FARS2: variants seen among roughly 807,000 people sequenced by gnomAD.
The protein encoded by FARS2 is phenylalanyl-tRNA synthetase 2, mitochondrial.
A neutral mutation model predicts 46.4 loss-of-function variants in FARS2; 40 were observed. The observed-to-expected ratio is 0.86, with a 90% confidence interval of 0.67 to 1.12. The LOEUF is 1.12. Ranked by LOEUF, FARS2 falls within the 50% of genes most tolerant of loss-of-function variation. The probability of loss-of-function intolerance (pLI) is 0.00; values close to 1 mark genes in which losing one functional copy is unlikely to be tolerated. For synonymous variants in FARS2, 234 were observed against 214.9 expected, an observed-to-expected ratio of 1.09 and a Z score of -0.78; for missense variants, 513 against 567.9, an observed-to-expected ratio of 0.90 and a Z score of 0.98.
chr6:5,723,971 C>G (rs1278284401), intron 6 of FARS2, among the ~76,000 whole-genome samples: 1 of 152,180 alleles, frequency 6.6e-6, no homozygotes, highest in African/African-American at 2.4e-5. Flanking sequence ...AGAGCGGTGG[C>G]CACGCTGGGC....
chr6:5,394,797 C>T (rs1265117677), intron 2 of FARS2, among the ~76,000 whole-genome samples: 1 of 151,616 alleles, frequency 6.6e-6, no homozygotes, highest in African/African-American at 2.4e-5. Flanking sequence ...CATTTGGTGT[C>T]CTTAAATAAC....
intron 6 of FARS2, among the ~76,000 whole-genome samples, chr6:5,653,127 A>T (rs916830049): frequency 6.6e-6 from 1 of 152,244 alleles, no homozygotes; most frequent in African/African-American, 2.4e-5. Flanking sequence ...AAATATATGC[A>T]TATATATCTA....
chr6:5,298,817 C>T (rs994461966), intron 1 of FARS2, among the ~76,000 whole-genome samples: 5 of 145,468 alleles, frequency 3.4e-5, no homozygotes, highest in African/African-American at 1.0e-4. Flanking sequence ...GAGCCGAGAT[C>T]GTGCCACCGC....
intron 4 of FARS2, among the ~76,000 whole-genome samples, chr6:5,528,840 C>T (rs533544161): frequency 9.9e-5 from 15 of 152,080 alleles, no homozygotes; most frequent in Non-Finnish European, 1.8e-4. Context: ...CTGACTGATA[C>T]GTGGTGACTG....
chr6:5,709,991 A>G (rs77616522), intron 6 of FARS2, among the ~76,000 whole-genome samples: 1,752 of 152,198 alleles, frequency 0.012, 35 homozygotes, highest in African/African-American at 0.04. Flanking sequence ...TGCCACGCAT[A>G]TCATTTCTAT....
intron 5 of FARS2, among the ~76,000 whole-genome samples, chr6:5,606,999 G>A (rs1231831634): frequency 1.3e-5 from 2 of 152,102 alleles, no homozygotes; most frequent in African/African-American, 4.8e-5. Context: ...GCTATTTGGT[G>A]TACAAGCCAC....
At chr6:5,433,433 T>C (rs180974841) in intron 4 of FARS2, among the ~76,000 whole-genome samples, 1 of 152,336 alleles carries the variant, frequency 6.6e-6, no homozygotes, top group Admixed American at 6.5e-5. Flanking sequence ...AAACAGAAGT[T>C]GTTCCTGCCT....
intron 3 of FARS2, among the ~76,000 whole-genome samples, chr6:5,429,169 T>C (rs937032345): frequency 6.6e-6 from 1 of 152,196 alleles, no homozygotes; most frequent in African/African-American, 2.4e-5. Context: ...TTGTCTTGAT[T>C]GTGGTGACAG....
At position 5,298,879 on chromosome 6, in the gene FARS2, A is replaced by T. The variant is rs1768083639; in HGVS notation, c.-22+37219A>T. Among the ~76,000 whole-genome samples, 3 of 151,912 alleles carry T rather than the reference A, an allele frequency of 2.0e-5. No homozygotes were observed. The South Asian group carries it at 6.2e-4, about 32-fold the overall frequency. ...CTCCATCTCAAAAAAAAAAAAAAAA[A>T]AAAAGATACAAAAATGTCTTGTCTT... On this transcript the variant is annotated intron_variant, in intron 1 of 6. Coordinates refer to ENST00000274680, the MANE Select transcript of FARS2 (RefSeq NM_006567.5).
At chr6:5,262,075 C>T (rs1452862796) in intron 1 of FARS2, among the ~76,000 whole-genome samples, 1 of 152,156 alleles carries the variant, frequency 6.6e-6, no homozygotes, top group East Asian at 1.9e-4. Flanking sequence ...ATGTAATCAA[C>T]CTTAGGAAGA....
intron 6 of FARS2, among the ~76,000 whole-genome samples, chr6:5,716,269 A>G (rs997348929): frequency 2.0e-5 from 3 of 152,124 alleles, no homozygotes. Context: ...CTTGTTTTCC[A>G]TGTTTGTCTC....
chr6:5,324,924 G>GCC (rs1347583941), intron 1 of FARS2, among the ~76,000 whole-genome samples: 16 of 152,102 alleles, frequency 1.1e-4, no homozygotes, highest in Admixed American at 2.0e-4. Context: ...CATGTTGAGA[G>GCC]ACATGCCATC....
chr6:5,501,156 C>T (rs9405272), intron 4 of FARS2, among the ~76,000 whole-genome samples: 14,363 of 151,798 alleles, frequency 0.095, 876 homozygotes, highest in East Asian at 0.22. Context: ...TTGCCACTCG[C>T]CATCTAGTAT....
chr6:5,422,093 A>G (rs1016576725), intron 3 of FARS2, among the ~76,000 whole-genome samples: 15 of 152,212 alleles, frequency 9.9e-5, no homozygotes, highest in Non-Finnish European at 1.8e-4. Flanking sequence ...AGGCCTCACA[A>G]TCATGGCAGA....
chr6:5,283,312 G>A (rs1022414218), intron 1 of FARS2, among the ~76,000 whole-genome samples: 1 of 150,002 alleles, frequency 6.7e-6, no homozygotes, highest in East Asian at 2.0e-4. Flanking sequence ...GGTGGATGTT[G>A]CAGTGAGCTG....
chr6:5,688,349 A>T (rs1283221875), intron 6 of FARS2, among the ~76,000 whole-genome samples: 1 of 151,864 alleles, frequency 6.6e-6, no homozygotes, highest in Non-Finnish European at 1.5e-5. Flanking sequence ...GTCATACATA[A>T]CTCTTATTAT....
Position 5,602,729 on chromosome 6 carries a change from C to T in FARS2, c.1066-10440C>T, listed in dbSNP as rs1272214397. On this transcript the variant is annotated intron_variant, in intron 5 of 6. Coordinates refer to ENST00000274680, the MANE Select transcript of FARS2 (RefSeq NM_006567.5). ...CATGGAGACATTTATATTTCATATA[C>T]GGGGGCTAGGCCCGGAGCAGGGGCC... Among the ~76,000 whole-genome samples the T allele has an allele frequency of 2.0e-5, 3 of 149,530 alleles. No homozygotes were observed. The East Asian group carries it at 5.9e-4, about 30-fold the overall frequency.
intron 2 of FARS2, among the ~76,000 whole-genome samples, chr6:5,380,120 T>C (rs1196836570): frequency 1.3e-5 from 2 of 152,172 alleles, no homozygotes; most frequent in Non-Finnish European, 2.9e-5. Flanking sequence ...AATTAGGTAA[T>C]GGGAAAGCTC....
intron 3 of FARS2, among the ~76,000 whole-genome samples, chr6:5,430,002 AT>A (rs896652299): frequency 6.6e-6 from 1 of 151,666 alleles, no homozygotes; most frequent in Admixed American, 6.6e-5. Flanking sequence ...GATAGAAGCC[AT>A]TTTTGTCATT....
Sources: gnomAD v4.1 joint callset for allele counts (sites outside exome capture counted in the v4.1 genomes callset) on GRCh38, gnomAD v4.1.1 for gene constraint, MANE v1.5 for transcripts, NCBI Gene and HGNC (gene_info 2026-07-23, HGNC 2026-07-21) for gene names.